The following PCDHGA7 variants were observed in gnomAD, a reference collection of about 807,000 sequenced individuals.
The protein encoded by PCDHGA7 is protocadherin gamma subfamily A, 7.
A neutral mutation model predicts 58.3 loss-of-function variants in PCDHGA7; 44 were observed. The ratio of observed to expected loss-of-function variants is 0.75; its 90% CI spans 0.59 to 0.97. The LOEUF is 0.97. Among genes scored for constraint, PCDHGA7 ranks in the 50% least tolerant of loss-of-function variants. PCDHGA7 has a pLI of 0.00. For synonymous variants in PCDHGA7, 516 were observed against 504.2 expected (o/e 1.02, Z -0.31); for missense variants, 1,266 against 1,188.7 (o/e 1.06, Z -0.96).
intron 1 of PCDHGA7, chr5:141,410,578 T>G: frequency 1.9e-6 from 3 of 1,610,984 alleles, no homozygotes; most frequent in Non-Finnish European, 2.5e-6. Context: ...TTCCACCTCA[T>G]GGTGGGGAGG....
chr5:141,421,916 G>T (rs754653877), intron 1 of PCDHGA7: 1 of 1,613,528 alleles, frequency 6.2e-7, no homozygotes. Flanking sequence ...GTTCCCATTC[G>T]TGTGGTGGTC....
At position 141,388,927 on chromosome 5, in the gene PCDHGA7, A is replaced by G. The variant is rs772950330; in HGVS notation, c.2424+3604A>G. 7 of 1,614,064 alleles carry G rather than the reference A, an allele frequency of 4.3e-6. No individual in the cohort carries two copies. Among genetic ancestry groups the G allele is most frequent in the Non-Finnish European group, 5.1e-6 (6 of 1,179,890 alleles). Reference sequence around the variant, plus strand: ...GACAACGCCCCAGAAGTGATATTCCAGTCTCTACCCAACCTAATTATGGAG... The same window carrying G: ...GACAACGCCCCAGAAGTGATATTCCGGTCTCTACCCAACCTAATTATGGAG... On this transcript the variant is annotated intron_variant, in intron 1 of 3. Coordinates refer to ENST00000518325, the MANE Select transcript of PCDHGA7 (RefSeq NM_018920.4).
intron 1 of PCDHGA7, among the ~76,000 whole-genome samples, chr5:141,450,815 A>ATTATTAT (rs1554136868): frequency 7.9e-6 from 1 of 126,684 alleles, no homozygotes; most frequent in African/African-American, 3.3e-5. Context: ...TATTTATTTA[A>ATTATTAT]TATTATTATT....
At chr5:141,465,978 C>T (rs568961720) in intron 1 of PCDHGA7, among the ~76,000 whole-genome samples, 7 of 151,998 alleles carry the variant, frequency 4.6e-5, no homozygotes, top group South Asian at 2.1e-4. Context: ...AAAAATTAGC[C>T]GGGCATGGTG....
Position 141,419,064 on chromosome 5 carries a change from A to G in PCDHGA7, c.2424+33741A>G, listed in dbSNP as rs149057484. ...ATTCATTCTTCTTCTAATAATTACT[A>G]CAAGCTAGTAACAGATGAGGCCCTG... On this transcript the variant is annotated intron_variant, in intron 1 of 3. Transcript: ENST00000518325. 51 of 1,613,962 alleles carry G rather than the reference A, an allele frequency of 3.2e-5. No homozygotes were observed. In the African/African-American group the frequency reaches 5.9e-4, roughly 19 times the overall value.
Position 141,431,655 on chromosome 5 carries a change from G to A in PCDHGA7, c.2424+46332G>A, listed in dbSNP as rs199998405. On this transcript the variant is annotated intron_variant, in intron 1 of 3. Transcript: ENST00000518325. This position sits in a 1 kb window ranked among gnomAD's most constrained non-coding sequence, Gnocchi z 4.8. Reference sequence around the variant, plus strand: ...GTTTTCAAACTAGATTGTAATTCAGGGACAATATCAACAATAGGGGAGTTG... The same window carrying A: ...GTTTTCAAACTAGATTGTAATTCAGAGACAATATCAACAATAGGGGAGTTG... 52 of 1,614,208 alleles carry A rather than the reference G, an allele frequency of 3.2e-5. No individual in the cohort carries two copies. The highest frequency in any genetic ancestry group is 3.3e-4 in the Middle Eastern group (2 of 6,062).
At chr5:141,389,822 C>A in intron 1 of PCDHGA7, 3 of 1,613,932 alleles carry the variant, frequency 1.9e-6, no homozygotes, top group Middle Eastern at 1.6e-4. Context: ...CCGTGCGTGA[C>A]GGTGGACAGC....
chr5:141,491,850 T>C lies in PCDHGA7; in HGVS notation c.2425-2957T>C. ...CCCGATTCTCGGGATCATTGGACCG[T>C]TTGCGCGAAACCAGAGTGGCCGATT... On this transcript the variant is annotated intron_variant, in intron 1 of 3. Transcript: ENST00000518325. The surrounding 1 kb of genome is among the most constrained non-coding windows in gnomAD (Gnocchi z 6.9). 6.8e-7 allele frequency: 1 copy of C among 1,460,996 alleles called. No homozygotes were observed. The highest frequency in any genetic ancestry group is 2.5e-5 in the East Asian group (1 of 40,084). The allele number at this position is 1,460,996 out of a possible 1,614,324, so 90.5% of individuals were successfully genotyped here.
intron 1 of PCDHGA7, among the ~76,000 whole-genome samples, chr5:141,458,065 G>A (rs55848374): frequency 0.098 from 14,910 of 152,232 alleles, 965 homozygotes; most frequent in Non-Finnish European, 0.14. Flanking sequence ...GCACTGATGC[G>A]AACAACTATA....
chr5:141,485,762 G>A lies in PCDHGA7; in HGVS notation c.2425-9045G>A, dbSNP rs774145313. 3.1e-6 allele frequency: 5 copies of A among 1,614,226 alleles called. No homozygotes were observed. The highest frequency in any genetic ancestry group is 3.3e-5 in the Admixed American group (2 of 60,030). ...CAGCCTGGTCCCAGAGCTGCTCCTG[G>A]AGAAGCCTTTGGATCGAGAGAAGCA... On this transcript the variant is annotated intron_variant, in intron 1 of 3. Transcript: ENST00000518325. The surrounding 1 kb of genome is among the most constrained non-coding windows in gnomAD (Gnocchi z 5.7).
rs775672220 is a variant in PCDHGA7 at position 141,383,105 on chromosome 5, G to C, written c.206G>C (p.Arg69Thr). The C allele has an allele frequency of 4.3e-6, 7 of 1,614,030 alleles. No homozygotes were observed. The highest frequency in any genetic ancestry group is 5.9e-6 in the Non-Finnish European group (7 of 1,179,962). Residue 69 changes from arginine to threonine, a missense_variant, in exon 1 of 4, where the codon AGA (arginine) becomes ACA (threonine). Coordinates refer to ENST00000518325, the MANE Select transcript of PCDHGA7 (RefSeq NM_018920.4). The part of the protein sequence containing the change: ...LAERGVRIIS[R>T]GRTQLFALNQ... ...GAGCGCGGAGTCCGCATCATCTCCAGAGGTAGGACGCAGCTTTTCGCCCTG... is the reference window on the plus strand; with the variant it reads ...GAGCGCGGAGTCCGCATCATCTCCACAGGTAGGACGCAGCTTTTCGCCCTG...
intron 1 of PCDHGA7, chr5:141,419,926 G>C (rs1371764532): frequency 7.4e-6 from 12 of 1,613,978 alleles, no homozygotes; most frequent in Non-Finnish European, 8.5e-6. Flanking sequence ...CTGAGATGCA[G>C]TTTTACCTGG....
intron 1 of PCDHGA7, chr5:141,421,833 C>A: frequency 6.2e-7 from 1 of 1,613,756 alleles, no homozygotes; most frequent in South Asian, 1.1e-5. Context: ...GAAGCCTGGA[C>A]CGAGAGAAAG....
intron 1 of PCDHGA7, 134 bp from the exon 2 acceptor site, chr5:141,494,673 C>G: frequency 4.5e-6 from 7 of 1,542,992 alleles, no homozygotes; most frequent in Non-Finnish European, 6.1e-6. Flanking sequence ...GATGAGTCCA[C>G]CCCTGCCCCC....
chr5:141,427,822 T>C (rs1446832816), intron 1 of PCDHGA7: 1 of 1,534,220 alleles, frequency 6.5e-7, no homozygotes, highest in Non-Finnish European at 8.9e-7. Flanking sequence ...GGGGTGGTGG[T>C]CGCGCAGCGT....
chr5:141,441,838 C>T, intron 1 of PCDHGA7: 4 of 355,582 alleles, frequency 1.1e-5, no homozygotes, highest in South Asian at 9.6e-5. Flanking sequence ...TGGCTTCGCG[C>T]TCTTGGATAT....
At chr5:141,441,298 T>C (rs1289976355) in intron 1 of PCDHGA7, 1 of 152,150 alleles carries the variant, frequency 6.6e-6, no homozygotes, top group Non-Finnish European at 1.5e-5. Flanking sequence ...ATGTCTGATA[T>C]AAGAAAATGC....
intron 1 of PCDHGA7, chr5:141,417,735 C>T (rs1408012587): frequency 1.4e-6 from 2 of 1,398,382 alleles, no homozygotes; most frequent in African/African-American, 2.9e-5. Flanking sequence ...CCTTGCCCAG[C>T]ACACCAGATT....
chr5:141,459,609 T>C (rs939880462), intron 1 of PCDHGA7, among the ~76,000 whole-genome samples: 1 of 152,230 alleles, frequency 6.6e-6, no homozygotes, highest in African/African-American at 2.4e-5. Context: ...AAGTATATGC[T>C]TAACTTTATA....
Sources: allele counts gnomAD v4.1 joint callset (sites outside exome capture counted in the v4.1 genomes callset), GRCh38; gene constraint gnomAD v4.1.1; non-coding constraint Gnocchi (gnomAD v3.1); transcripts MANE v1.5; gene names NCBI Gene and HGNC (gene_info 2026-07-23, HGNC 2026-07-21).